CACNB2: variants seen among roughly 807,000 people sequenced by gnomAD.
The protein encoded by CACNB2 is voltage-dependent L-type calcium channel subunit beta-2.
In CACNB2, 42 loss-of-function variants were observed where a neutral mutation model predicts 73.3. The observed-to-expected ratio is 0.57, with a 90% CI of 0.45 to 0.74. The LOEUF (loss-of-function observed/expected upper bound fraction) is 0.74, where lower values mean the gene tolerates loss of function less well. Among genes scored for constraint, CACNB2 ranks in the 30% least tolerant of loss-of-function variants. The probability of loss-of-function intolerance (pLI) is 0.00; values close to 1 mark genes in which losing one functional copy is unlikely to be tolerated. For missense variants in CACNB2, 940 were observed against 853.0 expected, an observed-to-expected ratio of 1.10 and a Z score of -1.27; for synonymous variants, 348 against 310.3, an observed-to-expected ratio of 1.12 and a Z score of -1.28.
chr10:18,514,932 A>T, intron 7 of CACNB2: 1 of 1,326,368 alleles, frequency 7.5e-7, no homozygotes, highest in Non-Finnish European at 1.1e-6. Flanking sequence ...TAAAAAAAAA[A>T]GTATTCAAGT....
intron 2 of CACNB2, among the ~76,000 whole-genome samples, chr10:18,226,783 A>G (rs1272593126): frequency 1.3e-5 from 2 of 152,220 alleles, no homozygotes; most frequent in Non-Finnish European, 2.9e-5. Context: ...GCCAGGAAAT[A>G]TCAAACCACC....
At chr10:18,521,610 G>C (rs1369324334) in intron 9 of CACNB2, among the ~76,000 whole-genome samples, 1 of 152,152 alleles carries the variant, frequency 6.6e-6, no homozygotes, top group Non-Finnish European at 1.5e-5. Context: ...AAATAGACAA[G>C]GGCCTTGGCT....
At position 18,145,680 on chromosome 10, in the gene CACNB2, A is replaced by G. The variant is rs115457367; in HGVS notation, c.120+4824A>G. Among the ~76,000 whole-genome samples the G allele has an allele frequency of 7.2e-3, 1,098 of 152,320 alleles. 9 individuals carry two copies. The highest frequency in any genetic ancestry group is 0.024 in the African/African-American group (986 of 41,576). On this transcript the variant is annotated intron_variant, in intron 1 of 13. Coordinates refer to ENST00000324631, the MANE Select transcript of CACNB2 (RefSeq NM_201596.3). Reference sequence around the variant, plus strand: ...ACCTCATAGGGGATGGTGATACTCTACAATTTTGTGGCATGTCTCTATCCT... The same window carrying G: ...ACCTCATAGGGGATGGTGATACTCTGCAATTTTGTGGCATGTCTCTATCCT...
intron 2 of CACNB2, among the ~76,000 whole-genome samples, chr10:18,194,571 T>C (rs536822658): frequency 2.0e-5 from 3 of 152,334 alleles, no homozygotes; most frequent in South Asian, 4.1e-4. Flanking sequence ...GGTTCCTCTC[T>C]GTGATGTCCT....
In CACNB2 at chr10:18,498,397, A is replaced by G. The variant is rs1372100219; in HGVS notation, c.376A>G (p.Ser126Gly). The G allele has an allele frequency of 1.1e-5, 17 of 1,614,178 alleles. No individual in the cohort carries two copies. The highest frequency in any genetic ancestry group is 1.4e-5 in the Non-Finnish European group (16 of 1,180,004). Residue 126 changes from serine to glycine, a missense_variant, in exon 4 of 14, where the codon AGT becomes GGT. Ser to Gly is a moderately conservative substitution (Grantham distance 56, BLOSUM62 0). Coordinates refer to ENST00000324631, the MANE Select transcript of CACNB2 (RefSeq NM_201596.3). Reference sequence around the variant, plus strand: ...TGCGGTTCGGACAAATGTCAGCTACAGTGCGGCCCATGAAGATGATGTTCC... The same window carrying G: ...TGCGGTTCGGACAAATGTCAGCTACGGTGCGGCCCATGAAGATGATGTTCC... ...AFAVRTNVSY[S>G]AAHEDDVPVP...
intron 1 of CACNB2, 198 bp downstream of exon 1, chr10:18,141,054 A>G: frequency 3.2e-6 from 5 of 1,546,158 alleles, no homozygotes; most frequent in Non-Finnish European, 4.4e-6. Flanking sequence ...CTCGGCTTCC[A>G]TTTTTCTCTG....
intron 3 of CACNB2, among the ~76,000 whole-genome samples, chr10:18,483,950 G>C (rs1202545169): frequency 6.6e-6 from 1 of 152,196 alleles, no homozygotes. Flanking sequence ...GGTGACAAAA[G>C]CGAAAACAAC....
intron 5 of CACNB2, among the ~76,000 whole-genome samples, chr10:18,505,842 T>C (rs1009987876): frequency 6.6e-6 from 1 of 152,202 alleles, no homozygotes; most frequent in Admixed American, 6.5e-5. Flanking sequence ...TTCAAATTAT[T>C]CCTAAATTAA....
At chr10:18,346,987 T>TAGAC (rs1366581772) in intron 2 of CACNB2, among the ~76,000 whole-genome samples, 1 of 152,124 alleles carries the variant, frequency 6.6e-6, no homozygotes, top group African/African-American at 2.4e-5. Context: ...ACACACAAAA[T>TAGAC]AGACCTGCTG....
At chr10:18,449,403 AACAC>A (rs2046907004) in intron 3 of CACNB2, among the ~76,000 whole-genome samples, 1 of 152,092 alleles carries the variant, frequency 6.6e-6, no homozygotes, top group African/African-American at 2.4e-5. Flanking sequence ...TAAAAAATAA[AACAC>A]ACAACAACAA....
At chr10:18,281,573 A>G (rs1468232992) in intron 2 of CACNB2, among the ~76,000 whole-genome samples, 1 of 152,180 alleles carries the variant, frequency 6.6e-6, no homozygotes. Flanking sequence ...TCTTTCCACT[A>G]AATGGTGGGG....
intron 2 of CACNB2, among the ~76,000 whole-genome samples, chr10:18,174,263 CCTCCCT>C (rs1554765223): frequency 7.5e-6 from 1 of 133,844 alleles, no homozygotes; most frequent in Non-Finnish European, 1.6e-5. Flanking sequence ...CCCTTCCCTC[CCTCCCT>C]CTCCCTCTCT....
At chr10:18,206,779 C>A (rs978206677) in intron 2 of CACNB2, 2 of 152,170 alleles carry the variant, frequency 1.3e-5, no homozygotes, top group African/African-American at 2.4e-5. Flanking sequence ...AGGGTAATGC[C>A]GGGCTCCATT....
intron 2 of CACNB2, among the ~76,000 whole-genome samples, chr10:18,273,374 A>G (rs2038140028): frequency 6.6e-6 from 1 of 150,922 alleles, no homozygotes; most frequent in South Asian, 2.1e-4. Context: ...AAAACAAAAC[A>G]AAACAAAAAC....
intron 3 of CACNB2, among the ~76,000 whole-genome samples, chr10:18,423,994 G>T (rs1222079075): frequency 1.3e-5 from 2 of 151,000 alleles, no homozygotes; most frequent in Admixed American, 1.3e-4. Context: ...AATTTTTTTT[G>T]AAAAATTAAA....
intron 2 of CACNB2, among the ~76,000 whole-genome samples, chr10:18,184,612 TTAGGCTTCAC>T (rs1246991609): frequency 6.6e-6 from 1 of 151,198 alleles, no homozygotes; most frequent in African/African-American, 2.4e-5. Flanking sequence ...TACAGTCTTT[TTAGGCTTCAC>T]TTGCCTGGGA....
intron 3 of CACNB2, among the ~76,000 whole-genome samples, chr10:18,437,469 G>A (rs547354185): frequency 6.6e-6 from 1 of 152,156 alleles, no homozygotes; most frequent in African/African-American, 2.4e-5. Flanking sequence ...CACATATTTT[G>A]TGTGTTATAT....
At chr10:18,208,843 C>T (rs961627737) in intron 2 of CACNB2, among the ~76,000 whole-genome samples, 1 of 151,982 alleles carries the variant, frequency 6.6e-6, no homozygotes, top group African/African-American at 2.4e-5. Context: ...GAGAAAGCCC[C>T]TGAACACGTA....
chr10:18,499,552 T>C lies in CACNB2; in HGVS notation c.456+1075T>C, dbSNP rs1315700837. 4.8e-5 allele frequency among the ~76,000 whole-genome samples: 7 copies of C among 145,182 alleles called. 1 individual carries two copies. Among genetic ancestry groups the C allele is most frequent in the Admixed American group, 3.6e-4 (5 of 13,904 alleles). On this transcript the variant is annotated intron_variant, in intron 4 of 13. Coordinates refer to ENST00000324631, the MANE Select transcript of CACNB2 (RefSeq NM_201596.3). ...ATAGCTTGAACCAGCGAGTCGGAGG[T>C]TGCAGTGAGCCGAGATTGCGCCACT... is the stretch of plus-strand genomic sequence containing the variant.
Sources: allele counts gnomAD v4.1 joint callset (sites outside exome capture counted in the v4.1 genomes callset), GRCh38; gene constraint gnomAD v4.1.1; transcripts MANE v1.5; gene names NCBI Gene and HGNC (gene_info 2026-07-23, HGNC 2026-07-21).